Variants in SCLT1 observed in about 807,000 individuals in gnomAD.
SCLT1 encodes sodium channel-associated protein 1.
In SCLT1, 78 loss-of-function variants were observed where a neutral mutation model predicts 112.8. The observed-to-expected ratio is 0.69, with a 90% CI of 0.58 to 0.83. The LOEUF is 0.83. Among genes scored for constraint, SCLT1 ranks in the 40% least tolerant of loss-of-function variants. The pLI, the probability that SCLT1 is intolerant of heterozygous loss-of-function variation, is 0.00. For missense variants in SCLT1, 747 were observed against 770.4 expected (o/e 0.97, Z 0.36); for synonymous variants, 257 against 254.7 (o/e 1.01, Z -0.09).
intron 5 of SCLT1, chr4:129,037,446 G>T (rs1747281393): frequency 6.6e-6 from 1 of 152,168 alleles, no homozygotes; most frequent in Non-Finnish European, 1.5e-5. Context: ...TGATATGGTG[G>T]CTGGTAAGTA....
At chr4:129,044,668 G>A (rs1228738620) in intron 2 of SCLT1, among the ~76,000 whole-genome samples, 1 of 151,762 alleles carries the variant, frequency 6.6e-6, no homozygotes, top group East Asian at 1.9e-4. Flanking sequence ...ATGTATGTGT[G>A]GAATGGTCAA....
chr4:128,896,183 A>C (rs1178038263), intron 18 of SCLT1, among the ~76,000 whole-genome samples: 1 of 152,206 alleles, frequency 6.6e-6, no homozygotes, highest in Non-Finnish European at 1.5e-5. Flanking sequence ...AGCTTTGAAG[A>C]GAGTAGTGGT....
At chr4:128,893,992 T>C (rs915983446) in intron 18 of SCLT1, among the ~76,000 whole-genome samples, 1 of 152,152 alleles carries the variant, frequency 6.6e-6, no homozygotes, top group African/African-American at 2.4e-5. Context: ...CAGGCCAGAG[T>C]GCAGTGGCAC....
intron 2 of SCLT1, among the ~76,000 whole-genome samples, chr4:129,045,396 A>G (rs987079022): frequency 5.3e-5 from 8 of 152,140 alleles, no homozygotes; most frequent in African/African-American, 1.9e-4. Context: ...AAAGACCTAC[A>G]GCATTCGTAA....
chr4:129,057,631 A>G, intron 2 of SCLT1, among the ~76,000 whole-genome samples: 1 of 144,548 alleles, frequency 6.9e-6, no homozygotes, highest in South Asian at 2.2e-4. Flanking sequence ...CAGGTTTTCT[A>G]TTTCTTCTAC....
At chr4:128,880,756 T>G (rs1261918725), downstream of SCLT1, among the ~76,000 whole-genome samples, 1 of 152,162 alleles carries the variant, frequency 6.6e-6, no homozygotes, top group Admixed American at 6.5e-5. Flanking sequence ...TGAAAAATAT[T>G]ATATATGTAC....
At chr4:128,951,776 T>C (rs1264708387) in intron 14 of SCLT1, among the ~76,000 whole-genome samples, 1 of 152,144 alleles carries the variant, frequency 6.6e-6, no homozygotes, top group Non-Finnish European at 1.5e-5. Context: ...ATCTCACTAA[T>C]TTTACTTGAT....
At chr4:128,927,427 T>C (rs1311330056) in intron 18 of SCLT1, among the ~76,000 whole-genome samples, 1 of 151,856 alleles carries the variant, frequency 6.6e-6, no homozygotes, top group Admixed American at 6.6e-5. Context: ...ACACAAAACT[T>C]AGCCAGCTGT....
chr4:129,030,197 G>A (rs1418103363), intron 5 of SCLT1, among the ~76,000 whole-genome samples: 1 of 152,126 alleles, frequency 6.6e-6, no homozygotes, highest in African/African-American at 2.4e-5. Context: ...TAAACAACCT[G>A]TTCCTGAATG....
At position 128,942,070 on chromosome 4, in the gene SCLT1, C is replaced by A. The variant is rs527454024; in HGVS notation, c.1632+926G>T. Among the ~76,000 whole-genome samples, 59 of 152,088 alleles carry A rather than the reference C, an allele frequency of 3.9e-4. No individual in the cohort carries two copies. The South Asian group carries it at 9.5e-3, about 25-fold the overall frequency. The stretch of plus-strand genomic sequence containing the variant: ...CTTTTTATCAAGTCTTGATATCTGG[C>A]GGTATGGGTCCTCTCCTTGTTCTTC... On this transcript the variant is annotated intron_variant, in intron 17 of 20. Coordinates refer to ENST00000281142, the MANE Select transcript of SCLT1 (RefSeq NM_144643.4).
intron 5 of SCLT1, among the ~76,000 whole-genome samples, chr4:129,019,629 C>T (rs1745279881): frequency 6.6e-6 from 1 of 151,796 alleles, no homozygotes; most frequent in South Asian, 2.1e-4. Flanking sequence ...CCTGCCACAG[C>T]TGCCGCTATA....
chr4:129,044,463 TA>T (rs957957628), intron 2 of SCLT1, among the ~76,000 whole-genome samples: 43 of 148,436 alleles, frequency 2.9e-4, no homozygotes, highest in African/African-American at 8.1e-4. Flanking sequence ...GATGAACACT[TA>T]AAAAAAAAAT....
At chr4:128,900,545 T>C (rs1171982370) in intron 18 of SCLT1, among the ~76,000 whole-genome samples, 1 of 152,194 alleles carries the variant, frequency 6.6e-6, no homozygotes, top group Non-Finnish European at 1.5e-5. Flanking sequence ...ATTAAAGACT[T>C]AAATGTTAGA....
At chr4:128,894,362 TAACACACACACACACACACACA>T (rs1235878984) in intron 18 of SCLT1, among the ~76,000 whole-genome samples, 4 of 81,442 alleles carry the variant, frequency 4.9e-5, no homozygotes, top group African/African-American at 2.0e-4. Context: ...ATTGAGTAAG[TAACACACACACACACACACACA>T]CACACACACA....
At chr4:128,931,760 C>T (rs1004292183) in intron 18 of SCLT1, among the ~76,000 whole-genome samples, 1 of 152,182 alleles carries the variant, frequency 6.6e-6, no homozygotes, top group African/African-American at 2.4e-5. Context: ...CCGCACCCGG[C>T]CTACAGAATT....
chr4:128,924,636 A>G (rs2125965357), intron 18 of SCLT1, among the ~76,000 whole-genome samples: 1 of 152,212 alleles, frequency 6.6e-6, no homozygotes, highest in South Asian at 2.1e-4. Flanking sequence ...TGTGTCTTGG[A>G]AGAAATTTTT....
chr4:129,057,347 C>T (rs1297756435), intron 2 of SCLT1, among the ~76,000 whole-genome samples: 1 of 150,824 alleles, frequency 6.6e-6, no homozygotes, highest in Non-Finnish European at 1.5e-5. Flanking sequence ...TTGTGGGATA[C>T]ATTTGGAAGA....
chr4:129,007,817 T>C (rs1476585144), intron 5 of SCLT1, among the ~76,000 whole-genome samples: 1 of 152,152 alleles, frequency 6.6e-6, no homozygotes, highest in African/African-American at 2.4e-5. Context: ...CACCTCTCTT[T>C]TTGTTCCTAT....
At chr4:129,082,981 C>T (rs1280935929) in intron 1 of SCLT1, among the ~76,000 whole-genome samples, 1 of 151,824 alleles carries the variant, frequency 6.6e-6, no homozygotes, top group Non-Finnish European at 1.5e-5. Flanking sequence ...CACTTGAGGT[C>T]GGGAGTTCGA....
Sources: allele counts gnomAD v4.1 joint callset (sites outside exome capture counted in the v4.1 genomes callset), GRCh38; gene constraint gnomAD v4.1.1; transcripts MANE v1.5; gene names NCBI Gene and HGNC (gene_info 2026-07-23, HGNC 2026-07-21).